Variants in NOL4L observed in about 807,000 individuals in gnomAD.
NOL4L encodes nucleolar protein 4 like.
Under a neutral mutation model 64.5 loss-of-function variants are expected in NOL4L, and 7 were observed. That is an observed-to-expected ratio of 0.11 (90% CI 0.06 to 0.20). NOL4L has a LOEUF of 0.20. NOL4L is among the 10% of genes least tolerant of loss of function. The pLI, the probability that NOL4L is intolerant of heterozygous loss-of-function variation, is 1.00. For missense variants in NOL4L, 680 were observed against 967.1 expected (o/e 0.70, Z 3.94); for synonymous variants, 413 against 401.0 (o/e 1.03, Z -0.36).
intron 5 of NOL4L, among the ~76,000 whole-genome samples, chr20:32,461,093 T>G (rs1447634120): frequency 6.6e-6 from 1 of 152,192 alleles, no homozygotes; most frequent in Non-Finnish European, 1.5e-5. Flanking sequence ...GAGGTGCTGC[T>G]CGGGGTGGGG....
rs2012206969 is a variant in NOL4L, at chr20:32,443,280, A to G, written c.*4316T>C. On this transcript the variant is annotated 3_prime_UTR_variant, in exon 11 of 11. Coordinates refer to ENST00000621426, the MANE Select transcript of NOL4L (RefSeq NM_001256798.2). ...CACAAACAAAACAGAATTTAGTCAC[A>G]TCACGTAGAGAAGACACATTCTAAG... The G allele has an allele frequency of 6.6e-6, 1 of 152,264 alleles. No homozygotes were observed. Among genetic ancestry groups the G allele is most frequent in the South Asian group, 2.1e-4 (1 of 4,838 alleles). The allele number at this position is 152,264 out of a possible 1,614,324, so 9.4% of individuals were successfully genotyped here.
intron 4 of NOL4L, among the ~76,000 whole-genome samples, chr20:32,500,092 T>G (rs1568660816): frequency 7.1e-6 from 1 of 139,906 alleles, no homozygotes; most frequent in Non-Finnish European, 1.5e-5. Context: ...TCCAAATGGA[T>G]CAAAGATTAA....
chr20:32,534,283 A>G (rs1016406782), intron 1 of NOL4L, among the ~76,000 whole-genome samples: 1 of 152,180 alleles, frequency 6.6e-6, no homozygotes, highest in African/African-American at 2.4e-5. Flanking sequence ...AGCTCTTGAC[A>G]AGGAATAAAA....
Position 32,488,836 on chromosome 20 carries a change from T to TTTC in NOL4L, c.700-14097_700-14095dup, listed in dbSNP as rs2016300246. Among the ~76,000 whole-genome samples, 2 of 72,230 alleles carry TTTC rather than the reference T, an allele frequency of 2.8e-5. 1 individual carries two copies. Among genetic ancestry groups the TTTC allele is most frequent in the African/African-American group, 1.9e-4 (2 of 10,274 alleles). 47.4% of individuals were successfully genotyped at this position (72,230 alleles called of 152,430 possible). On this transcript the variant is annotated intron_variant, in intron 4 of 10. Transcript: ENST00000621426. ...TTCTTTCTTTCTTTCTTTTTCTTTC[T>TTTC]TTCTTTCTTTCTTTCTTTCTTTCTT...
chr20:32,542,411 T>C (rs1260368713), intron 1 of NOL4L, among the ~76,000 whole-genome samples: 2 of 152,198 alleles, frequency 1.3e-5, no homozygotes, highest in African/African-American at 4.8e-5. Flanking sequence ...TGGAGTATAG[T>C]GGCAGGATCA....
At chr20:32,569,310 C>G (rs1433822646) in intron 1 of NOL4L, among the ~76,000 whole-genome samples, 1 of 152,170 alleles carries the variant, frequency 6.6e-6, no homozygotes, top group East Asian at 1.9e-4. Context: ...AGAGCTGGGC[C>G]TTGCAGGTCA....
intron 6 of NOL4L, among the ~76,000 whole-genome samples, chr20:32,455,248 T>C (rs927673339): frequency 6.6e-6 from 1 of 152,148 alleles, no homozygotes; most frequent in South Asian, 2.1e-4. Context: ...ACTCACCCCC[T>C]TCATGGAACA....
intron 1 of NOL4L, among the ~76,000 whole-genome samples, chr20:32,530,600 A>G (rs1413064401): frequency 6.6e-6 from 1 of 151,932 alleles, no homozygotes; most frequent in East Asian, 1.9e-4. Context: ...GTAGTTATAG[A>G]AGTGTGTTCA....
chr20:32,500,534 C>CATGGTT (rs2016879766), intron 4 of NOL4L, among the ~76,000 whole-genome samples: 1 of 109,238 alleles, frequency 9.2e-6, no homozygotes, highest in African/African-American at 3.8e-5. Context: ...TTTTGTATTT[C>CATGGTT]TTTCTTTTTT....
chr20:32,453,866 C>T lies in NOL4L; in HGVS notation c.1120-105G>A, dbSNP rs1011353312. The T allele has an allele frequency of 2.5e-5, 26 of 1,043,826 alleles. No individual in the cohort carries two copies. Among genetic ancestry groups the T allele is most frequent in the Non-Finnish European group, 3.2e-5 (23 of 717,506 alleles). 64.7% of individuals were successfully genotyped at this position (1,043,826 alleles called of 1,614,324 possible). On this transcript the variant is annotated intron_variant, in intron 6 of 10. Coordinates refer to ENST00000621426, the MANE Select transcript of NOL4L (RefSeq NM_001256798.2). The surrounding 1 kb of genome is among the most constrained non-coding windows in gnomAD (Gnocchi z 5.6). ...TGGGGACCAGGGTGGCACGCATGCC[C>T]TGCTGCCACGAGAGCCATAGCTGCG...
At chr20:32,473,570 T>C (rs560638642) in intron 5 of NOL4L, among the ~76,000 whole-genome samples, 2 of 152,188 alleles carry the variant, frequency 1.3e-5, no homozygotes, top group African/African-American at 4.8e-5. Context: ...AGACTGGGTC[T>C]CCTCCCAAAC....
At chr20:32,528,410 T>C (rs2018217871) in intron 1 of NOL4L, among the ~76,000 whole-genome samples, 1 of 152,204 alleles carries the variant, frequency 6.6e-6, no homozygotes, top group African/African-American at 2.4e-5. Flanking sequence ...TGAAAAGCTT[T>C]TCGCGGCTGC....
chr20:32,490,791 C>T (rs971131674), intron 4 of NOL4L, among the ~76,000 whole-genome samples: 1 of 152,244 alleles, frequency 6.6e-6, no homozygotes, highest in Non-Finnish European at 1.5e-5. Context: ...AAAATGTCAT[C>T]AGTTAATTCT....
In NOL4L at chr20:32,460,394, A is replaced by G. The variant is rs59267739; in HGVS notation, c.842-3999T>C. Among the ~76,000 whole-genome samples, 4,976 of 152,200 alleles carry G rather than the reference A, an allele frequency of 0.033. 265 individuals carry two copies. The highest frequency in any genetic ancestry group is 0.11 in the African/African-American group (4,719 of 41,488). ...CCAGCTCCGCTCAGGCAGCCCCGGC[A>G]TGCCAGCCCCCACCCCACACAGCTG... On this transcript the variant is annotated intron_variant, in intron 5 of 10. Coordinates refer to ENST00000621426, the MANE Select transcript of NOL4L (RefSeq NM_001256798.2). This position sits in a 1 kb window ranked among gnomAD's most constrained non-coding sequence, Gnocchi z 5.7.
At chr20:32,580,484 T>C (rs1008811772) in intron 1 of NOL4L, among the ~76,000 whole-genome samples, 4 of 152,168 alleles carry the variant, frequency 2.6e-5, no homozygotes, top group Non-Finnish European at 4.4e-5. Flanking sequence ...GGCCTCAAAA[T>C]GCTTTCCACT....
Position 32,509,936 on chromosome 20 carries a change from G to A in NOL4L, c.699+1411C>T, listed in dbSNP as rs906462832. ...GAAGCCAGGTGCCGGAGACAGTGAGGATGGCTACAGGAAAGAAAGGCCACA... is the reference window on the plus strand; with the variant it reads ...GAAGCCAGGTGCCGGAGACAGTGAGAATGGCTACAGGAAAGAAAGGCCACA... On this transcript the variant is annotated intron_variant, in intron 4 of 10. Coordinates refer to ENST00000621426, the MANE Select transcript of NOL4L (RefSeq NM_001256798.2). 3 of 1,304,110 alleles carry A rather than the reference G, an allele frequency of 2.3e-6. No homozygotes were observed. The African/African-American group carries it at 4.6e-5, about 20-fold the overall frequency. The allele number at this position is 1,304,110 out of a possible 1,614,324, so 80.8% of individuals were successfully genotyped here.
At chr20:32,452,859 C>T (rs761752935) in intron 9 of NOL4L, 25 bp downstream of exon 9, 1 of 1,613,080 alleles carries the variant, frequency 6.2e-7, no homozygotes, top group Non-Finnish European at 8.5e-7. Flanking sequence ...GGAGCGGCCC[C>T]TGTAGTGGCT....
chr20:32,506,617 C>A (rs374414204), intron 4 of NOL4L, among the ~76,000 whole-genome samples: 8 of 152,014 alleles, frequency 5.3e-5, no homozygotes, highest in Non-Finnish European at 1.0e-4. Flanking sequence ...GCCGAGATCG[C>A]GCCATTGCAC....
intron 1 of NOL4L, among the ~76,000 whole-genome samples, chr20:32,530,796 C>G (rs1387959407): frequency 6.6e-6 from 1 of 151,922 alleles, no homozygotes; most frequent in Non-Finnish European, 1.5e-5. Context: ...TGGTGCATGC[C>G]TGTAATCCCA....
Sources: allele counts gnomAD v4.1 joint callset (sites outside exome capture counted in the v4.1 genomes callset), GRCh38; gene constraint gnomAD v4.1.1; non-coding constraint Gnocchi (gnomAD v3.1); transcripts MANE v1.5; gene names NCBI Gene and HGNC (gene_info 2026-07-23, HGNC 2026-07-21).